The following CEP57L1 variants were observed in gnomAD, a reference collection of about 807,000 sequenced individuals.
CEP57L1 encodes the protein centrosomal protein CEP57L1.
A neutral mutation model predicts 61.0 loss-of-function variants in CEP57L1; 37 were observed. The ratio of observed to expected loss-of-function variants is 0.61; its 90% CI spans 0.47 to 0.80. CEP57L1 has a LOEUF of 0.80. Ranked by LOEUF, CEP57L1 falls within the 30% of genes least tolerant of loss-of-function variation. CEP57L1 has a pLI of 0.00. For missense variants in CEP57L1, 422 were observed against 524.7 expected (o/e 0.80, Z 1.91); for synonymous variants, 137 against 162.3 (o/e 0.84, Z 1.19).
Position 109,174,099 on chromosome 6 carries a change from C to CAAAAAAAAAAAAAAAAAAAAAAAA in CEP57L1, c.*11144_*11145insAAAAAAAAAAAAAAAAAAAAAAAA, listed in dbSNP as rs1298260523. On this transcript the variant is annotated 3_prime_UTR_variant, in exon 11 of 11. Coordinates refer to ENST00000517392, the MANE Select transcript of CEP57L1 (RefSeq NM_001271852.3). ...TGAGCCATAGAGTGAGTCTTGGTCT[C>CAAAAAAAAAAAAAAAAAAAAAAAA]AAAAAAAAAAAAAAACCTTGTGTTG... Among the ~76,000 whole-genome samples, 160 of 81,850 alleles carry CAAAAAAAAAAAAAAAAAAAAAAAA rather than the reference C, an allele frequency of 2.0e-3. 3 individuals are homozygous for CAAAAAAAAAAAAAAAAAAAAAAAA. The highest frequency in any genetic ancestry group is 7.3e-3 in the African/African-American group (151 of 20,818). 53.7% of individuals were successfully genotyped at this position (81,850 alleles called of 152,430 possible).
rs1464430281 is a variant in CEP57L1, at chr6:109,170,470, A to G, written c.*7500A>G. Among the ~76,000 whole-genome samples the G allele has an allele frequency of 6.6e-6, 1 of 152,090 alleles. No individual in the cohort carries two copies. The highest frequency in any genetic ancestry group is 1.9e-4 in the East Asian group (1 of 5,198). The stretch of plus-strand genomic sequence containing the variant: ...ATTGACCTTTGGTATTTCTTAGAAA[A>G]ACCTGTTACTGAACCTAGTACAGAA... On this transcript the variant is annotated 3_prime_UTR_variant, in exon 11 of 11. Coordinates refer to ENST00000517392, the MANE Select transcript of CEP57L1 (RefSeq NM_001271852.3).
In CEP57L1 at chr6:109,115,243, A is replaced by AT. The variant is rs534629558; in HGVS notation, c.-4+19678dup. Among the ~76,000 whole-genome samples the AT allele has an allele frequency of 1.4e-3, 207 of 149,138 alleles. 3 individuals are homozygous for AT. The South Asian group carries it at 0.034, about 24-fold the overall frequency. ...AATATTTATTTATGGGTATATATGTATTTTTTTTTTAAAGGAGAGAAAAGA... is the reference window on the plus strand; with the variant it reads ...AATATTTATTTATGGGTATATATGTATTTTTTTTTTTAAAGGAGAGAAAAGA... On this transcript the variant is annotated intron_variant, in intron 1 of 10. Transcript: ENST00000517392.
chr6:109,123,692 A>G (rs773501740), intron 1 of CEP57L1, among the ~76,000 whole-genome samples: 1 of 152,146 alleles, frequency 6.6e-6, no homozygotes, highest in Non-Finnish European at 1.5e-5. Flanking sequence ...TGTTCTGGTC[A>G]TAAGTTCTAT....
At position 109,171,445 on chromosome 6, in the gene CEP57L1, G is replaced by A. The variant is rs1372173442; in HGVS notation, c.*8475G>A. Among the ~76,000 whole-genome samples, 3 of 151,058 alleles carry A rather than the reference G, an allele frequency of 2.0e-5. No homozygotes were observed. Among genetic ancestry groups the A allele is most frequent in the African/African-American group, 4.9e-5 (2 of 41,024 alleles). ...TTTTTAATAGAAACGGGGTTTCACC[G>A]TGTTAGCCAGGCTGGTCTCGAACTC... is the stretch of plus-strand genomic sequence containing the variant. On this transcript the variant is annotated 3_prime_UTR_variant, in exon 11 of 11. Coordinates refer to ENST00000517392, the MANE Select transcript of CEP57L1 (RefSeq NM_001271852.3).
chr6:109,154,648 A>G (rs1308772134), intron 5 of CEP57L1, among the ~76,000 whole-genome samples: 2 of 152,110 alleles, frequency 1.3e-5, no homozygotes, highest in Non-Finnish European at 2.9e-5. Flanking sequence ...ACTGGAGCAT[A>G]TAGGATTTTG....
chr6:109,129,907 A>G (rs1773988470), intron 1 of CEP57L1, among the ~76,000 whole-genome samples: 1 of 152,158 alleles, frequency 6.6e-6, no homozygotes, highest in Non-Finnish European at 1.5e-5. Flanking sequence ...AAAAGTAAGT[A>G]TGTATGTTCA....
chr6:109,120,957 C>CACACAG lies in CEP57L1; in HGVS notation c.-3-24261_-3-24260insCACAGA, dbSNP rs1332576863. On this transcript the variant is annotated intron_variant, in intron 1 of 10. Coordinates refer to ENST00000517392, the MANE Select transcript of CEP57L1 (RefSeq NM_001271852.3). Reference sequence around the variant, plus strand: ...ACACACACACACACACACACACACACAGTCACTCACTCATAGGCAAACATT... The same window carrying CACACAG: ...ACACACACACACACACACACACACACACACAGAGTCACTCACTCATAGGCAAACATT... Among the ~76,000 whole-genome samples, 830 of 141,076 alleles carry CACACAG rather than the reference C, an allele frequency of 5.9e-3. 6 individuals are homozygous for CACACAG. Among genetic ancestry groups the CACACAG allele is most frequent in the African/African-American group, 0.019 (727 of 38,026 alleles). 92.6% of individuals were successfully genotyped at this position (141,076 alleles called of 152,430 possible). A position where few individuals can be genotyped will look rare whatever the true frequency, so the allele number is the denominator to read the frequency against.
At chr6:109,095,659 C>A in intron 1 of CEP57L1, 84 bp downstream of exon 1, 2 of 882,142 alleles carry the variant, frequency 2.3e-6, no homozygotes, top group Non-Finnish European at 2.7e-6. Flanking sequence ...GAGACAAAGC[C>A]ATCTAGGGTG....
At chr6:109,095,170 C>T (rs1163964886), upstream of CEP57L1, 1 of 985,544 alleles carries the variant, frequency 1.0e-6, no homozygotes, top group Non-Finnish European at 1.2e-6. Flanking sequence ...GCCAAGCGCC[C>T]CCGGAGGCGC....
chr6:109,143,302 T>C (rs1000992802), intron 1 of CEP57L1, among the ~76,000 whole-genome samples: 1 of 152,128 alleles, frequency 6.6e-6, no homozygotes, highest in African/African-American at 2.4e-5. Context: ...GATCAAGCCT[T>C]TTGTAGTTAC....
chr6:109,118,448 C>T (rs760337668), intron 1 of CEP57L1, among the ~76,000 whole-genome samples: 22 of 152,192 alleles, frequency 1.4e-4, no homozygotes, highest in African/African-American at 4.3e-4. Context: ...AATACCTTAA[C>T]AGCTGTGCCA....
intron 1 of CEP57L1, among the ~76,000 whole-genome samples, chr6:109,127,168 C>G (rs950531665): frequency 8.6e-5 from 13 of 151,816 alleles, no homozygotes; most frequent in African/African-American, 2.9e-4. Flanking sequence ...CCGTCTCAAA[C>G]AAAACAAAAC....
At chr6:109,141,995 G>C (rs920794385) in intron 1 of CEP57L1, among the ~76,000 whole-genome samples, 1 of 152,172 alleles carries the variant, frequency 6.6e-6, no homozygotes, top group Non-Finnish European at 1.5e-5. Context: ...CTCCCTAGCA[G>C]TCCTATGGAA....
At chr6:109,160,856 A>G in intron 10 of CEP57L1, 140 bp downstream of exon 10, 2 of 727,198 alleles carry the variant, frequency 2.8e-6, no homozygotes, top group South Asian at 5.1e-5. Context: ...TAGGCCTATG[A>G]CAGAATAGAG....
chr6:109,112,469 G>T (rs1292592394), intron 1 of CEP57L1, among the ~76,000 whole-genome samples: 1 of 151,996 alleles, frequency 6.6e-6, no homozygotes, highest in Non-Finnish European at 1.5e-5. Flanking sequence ...CCGGCTCCTG[G>T]ATTCATTGAT....
chr6:109,109,698 C>G (rs1025028234), intron 1 of CEP57L1, among the ~76,000 whole-genome samples: 3 of 152,194 alleles, frequency 2.0e-5, no homozygotes, highest in Non-Finnish European at 4.4e-5. Flanking sequence ...TAGCACCAAA[C>G]CCCGTGACAG....
chr6:109,100,151 C>T (rs1210821434), intron 1 of CEP57L1: 2 of 152,132 alleles, frequency 1.3e-5, no homozygotes, highest in South Asian at 2.1e-4. Flanking sequence ...AACTACTGTG[C>T]TTGTTTTTGT....
At chr6:109,109,745 C>T (rs1208036633) in intron 1 of CEP57L1, among the ~76,000 whole-genome samples, 4 of 152,184 alleles carry the variant, frequency 2.6e-5, no homozygotes, top group East Asian at 3.9e-4. Flanking sequence ...TGTGTCCAAG[C>T]GTTCTCATCG....
chr6:109,106,205 C>T (rs1209144482), intron 1 of CEP57L1: 2 of 152,160 alleles, frequency 1.3e-5, no homozygotes, highest in Non-Finnish European at 2.9e-5. Flanking sequence ...CCACCCCTAA[C>T]CCAGGTCCGT....
Sources: allele counts gnomAD v4.1 joint callset (sites outside exome capture counted in the v4.1 genomes callset), GRCh38; gene constraint gnomAD v4.1.1; transcripts MANE v1.5; gene names NCBI Gene and HGNC (gene_info 2026-07-23, HGNC 2026-07-21).